The following RPH3A variants were observed in gnomAD, a reference collection of about 807,000 sequenced individuals.
The protein encoded by RPH3A is rabphilin-3A.
RPH3A carries 48 observed loss-of-function variants against 102.2 expected under a neutral mutation model. The observed-to-expected ratio is 0.47, with a 90% CI of 0.37 to 0.60. The LOEUF (loss-of-function observed/expected upper bound fraction) is 0.60, where lower values mean the gene tolerates loss of function less well. RPH3A is among the 20% of genes least tolerant of loss of function. The probability of loss-of-function intolerance (pLI) is 0.00; values close to 1 mark genes in which losing one functional copy is unlikely to be tolerated. For synonymous variants in RPH3A, 310 were observed against 324.3 expected (o/e 0.96, Z 0.47); for missense variants, 781 against 910.1 (o/e 0.86, Z 1.83).
intron 1 of RPH3A, among the ~76,000 whole-genome samples, chr12:112,749,892 T>G (rs1748964014): frequency 6.6e-6 from 1 of 150,700 alleles, no homozygotes; most frequent in Non-Finnish European, 1.5e-5. Context: ...TTTGTTTTTG[T>G]TTTTTTTGTT....
chr12:112,815,957 A>G (rs559915813), intron 2 of RPH3A, among the ~76,000 whole-genome samples: 7 of 152,296 alleles, frequency 4.6e-5, no homozygotes, highest in African/African-American at 1.7e-4. Flanking sequence ...GGAGCCCTGA[A>G]GAGTGTTCTG....
chr12:112,658,314 C>G (rs2040026955), intron 1 of RPH3A, among the ~76,000 whole-genome samples: 1 of 152,044 alleles, frequency 6.6e-6, no homozygotes, highest in South Asian at 2.1e-4. Context: ...GTAGTTGGGG[C>G]TACAGGTGTG....
chr12:112,607,571 A>G (rs1349987843), intron 1 of RPH3A, among the ~76,000 whole-genome samples: 1 of 152,378 alleles, frequency 6.6e-6, no homozygotes, highest in African/African-American at 2.4e-5. Flanking sequence ...GCTAAAAGAA[A>G]GAGAAGTACT....
chr12:112,795,326 T>C (rs147242354), intron 2 of RPH3A, among the ~76,000 whole-genome samples: 1,911 of 152,252 alleles, frequency 0.013, 13 homozygotes, highest in Non-Finnish European at 0.018. Flanking sequence ...ACAGTGTGGT[T>C]TATTTCTGTT....
chr12:112,822,743 C>T (rs1444616568), intron 2 of RPH3A, among the ~76,000 whole-genome samples: 1 of 152,202 alleles, frequency 6.6e-6, no homozygotes, highest in Non-Finnish European at 1.5e-5. Context: ...CTTAAACTTT[C>T]CTCAACTCAG....
chr12:112,807,160 C>A lies in RPH3A; in HGVS notation c.-19+14897C>A, dbSNP rs540930131. 5.9e-4 allele frequency among the ~76,000 whole-genome samples: 89 copies of A among 151,978 alleles called. 2 individuals carry two copies. In the South Asian group the frequency reaches 0.018, roughly 31 times the overall value. ...GTCTTGATTCTGAGAGCAATGGGGT[C>A]TCACAAGCAGAAGGGTGACCTGATG... On this transcript the variant is annotated intron_variant, in intron 2 of 21. Coordinates refer to ENST00000389385, the MANE Select transcript of RPH3A (RefSeq NM_001143854.2).
intron 2 of RPH3A, among the ~76,000 whole-genome samples, chr12:112,801,416 G>T (rs1224358867): frequency 1.3e-5 from 2 of 152,208 alleles, no homozygotes; most frequent in African/African-American, 4.8e-5. Flanking sequence ...TTCCTTGGAA[G>T]GGTTTATCTG....
chr12:112,840,357 T>C (rs2042121716), intron 4 of RPH3A, among the ~76,000 whole-genome samples: 1 of 152,230 alleles, frequency 6.6e-6, no homozygotes, highest in Non-Finnish European at 1.5e-5. Context: ...CTAGTTATTT[T>C]GAAATATACA....
chr12:112,723,654 C>G (rs192286592), intron 1 of RPH3A, among the ~76,000 whole-genome samples: 2 of 152,148 alleles, frequency 1.3e-5, no homozygotes, highest in Non-Finnish European at 2.9e-5. Flanking sequence ...CCACGAGAAC[C>G]GCTAGAGATC....
intron 1 of RPH3A, among the ~76,000 whole-genome samples, chr12:112,666,436 C>G (rs232923): frequency 0.52 from 78,205 of 151,700 alleles, 20,963 homozygotes; most frequent in East Asian, 0.67. Flanking sequence ...CCTCCCAGCT[C>G]TGACACTTAC....
At chr12:112,760,887 G>A (rs1403133606) in intron 1 of RPH3A, among the ~76,000 whole-genome samples, 4 of 152,102 alleles carry the variant, frequency 2.6e-5, no homozygotes, top group Middle Eastern at 3.4e-3. Flanking sequence ...GATGACCCCC[G>A]CCCCCAACCC....
At chr12:112,662,807 G>A (rs1445593919) in intron 1 of RPH3A, among the ~76,000 whole-genome samples, 1 of 151,726 alleles carries the variant, frequency 6.6e-6, no homozygotes, top group East Asian at 1.9e-4. Context: ...TTGACCCATG[G>A]GTCATAGTTG....
chr12:112,630,473 C>T (rs2039796647), intron 1 of RPH3A, among the ~76,000 whole-genome samples: 1 of 151,972 alleles, frequency 6.6e-6, no homozygotes, highest in Admixed American at 6.5e-5. Context: ...TAAATTCCAC[C>T]ATGGAGTTGG....
intron 1 of RPH3A, among the ~76,000 whole-genome samples, chr12:112,675,859 A>G (rs759369171): frequency 1.3e-5 from 2 of 152,180 alleles, no homozygotes; most frequent in Non-Finnish European, 2.9e-5. Context: ...TGAGTTTTTA[A>G]GACAGAGAGA....
intron 1 of RPH3A, among the ~76,000 whole-genome samples, chr12:112,740,368 T>A (rs1020523997): frequency 3.3e-5 from 5 of 152,218 alleles, no homozygotes; most frequent in Admixed American, 1.3e-4. Context: ...TTTGTTTCAC[T>A]TTTTTGAAAA....
At chr12:112,747,084 G>T (rs142428395) in intron 1 of RPH3A, among the ~76,000 whole-genome samples, 1 of 152,102 alleles carries the variant, frequency 6.6e-6, no homozygotes, top group African/African-American at 2.4e-5. Context: ...CAAGAGCAAG[G>T]ATTTTTGTCT....
chr12:112,896,033 T>G (rs2043173918), intron 21 of RPH3A, among the ~76,000 whole-genome samples, 160 bp downstream of exon 21: 1 of 152,192 alleles, frequency 6.6e-6, no homozygotes, highest in South Asian at 2.1e-4. Flanking sequence ...TTGGTCCAAT[T>G]TGGGGATGTC....
rs1439544176 is a variant in RPH3A at position 112,897,805 on chromosome 12, G to A, written c.*1025G>A. On this transcript the variant is annotated 3_prime_UTR_variant, in exon 22 of 22. Transcript: ENST00000389385. ...GGGCCAATGGCTGGCACTGCCCTGA[G>A]TGCATGGCAGCATCCCTCAAGCTGT... The A allele has an allele frequency of 6.6e-6, 1 of 152,270 alleles. No homozygotes were observed. The highest frequency in any genetic ancestry group is 2.4e-5 in the African/African-American group (1 of 41,450). The allele number at this position is 152,270 out of a possible 1,614,324, so 9.4% of individuals were successfully genotyped here. A position where few individuals can be genotyped will look rare whatever the true frequency, so the allele number is the denominator to read the frequency against.
At chr12:112,582,457 A>T (rs1180169827) in intron 1 of RPH3A, among the ~76,000 whole-genome samples, 1 of 145,978 alleles carries the variant, frequency 6.9e-6, no homozygotes, top group Non-Finnish European at 1.5e-5. Flanking sequence ...AAAAATATAT[A>T]TTTTTTTGAG....
Sources: allele counts gnomAD v4.1 joint callset (sites outside exome capture counted in the v4.1 genomes callset), GRCh38; gene constraint gnomAD v4.1.1; transcripts MANE v1.5; gene names NCBI Gene and HGNC (gene_info 2026-07-23, HGNC 2026-07-21).